KCNMA1: variants seen among roughly 807,000 people sequenced by gnomAD.
KCNMA1 encodes the protein potassium calcium-activated channel subfamily M alpha 1, also known as Calcium-activated potassium channel subunit alpha-1.
KCNMA1 carries 29 observed loss-of-function variants against 140.0 expected under a neutral mutation model. The observed-to-expected ratio is 0.21, with a 90% confidence interval of 0.15 to 0.28. KCNMA1 has a LOEUF of 0.28. Ranked by LOEUF, KCNMA1 falls within the 10% of genes least tolerant of loss-of-function variation. The pLI, the probability that KCNMA1 is intolerant of heterozygous loss-of-function variation, is 1.00. For synonymous variants in KCNMA1, 612 were observed against 611.9 expected (o/e 1.00, Z 0.00); for missense variants, 880 against 1,602.2 (o/e 0.55, Z 7.70).
At chr10:76,901,101 A>G (rs549914186) in intron 25 of KCNMA1, among the ~76,000 whole-genome samples, 2 of 152,122 alleles carry the variant, frequency 1.3e-5, no homozygotes, top group Admixed American at 6.5e-5. Context: ...GGCTCTGCAA[A>G]TCATGACACC....
At chr10:77,618,098 A>T (rs1489604647) in intron 1 of KCNMA1, among the ~76,000 whole-genome samples, 2 of 152,100 alleles carry the variant, frequency 1.3e-5, no homozygotes, top group African/African-American at 4.8e-5. Flanking sequence ...ATCCCCTATC[A>T]TCCGGACAGA....
At chr10:76,899,508 A>G (rs191838769) in intron 25 of KCNMA1, among the ~76,000 whole-genome samples, 19 of 152,242 alleles carry the variant, frequency 1.2e-4, no homozygotes, top group African/African-American at 3.8e-4. Context: ...CTTTTTTAAA[A>G]TAAGGTTTTG....
chr10:77,454,245 T>C (rs1403353507), intron 1 of KCNMA1, among the ~76,000 whole-genome samples: 1 of 152,160 alleles, frequency 6.6e-6, no homozygotes, highest in Non-Finnish European at 1.5e-5. Context: ...CAACCACATC[T>C]ACAGTGTATT....
intron 2 of KCNMA1, among the ~76,000 whole-genome samples, chr10:77,253,287 T>C (rs189251959): frequency 6.8e-4 from 104 of 152,282 alleles, no homozygotes; most frequent in Admixed American, 1.8e-3. Context: ...GCTCCCTGTG[T>C]GTGTATCTGT....
At chr10:77,570,144 G>A (rs1397460479) in intron 1 of KCNMA1, among the ~76,000 whole-genome samples, 2 of 151,762 alleles carry the variant, frequency 1.3e-5, no homozygotes, top group Non-Finnish European at 2.9e-5. Context: ...TGGTGGGACT[G>A]TAAACTAGTT....
chr10:77,150,990 G>T (rs2098406148), intron 5 of KCNMA1, among the ~76,000 whole-genome samples: 1 of 152,132 alleles, frequency 6.6e-6, no homozygotes. Context: ...GTGGCTCTCT[G>T]CCTCTGGAGG....
At chr10:77,220,749 T>A (rs1303974477) in intron 3 of KCNMA1, among the ~76,000 whole-genome samples, 8 of 148,300 alleles carry the variant, frequency 5.4e-5, no homozygotes. Flanking sequence ...CTTAGCCATA[T>A]ATTCCAGTTT....
At chr10:77,364,497 T>C (rs942134690) in intron 2 of KCNMA1, among the ~76,000 whole-genome samples, 13 of 152,026 alleles carry the variant, frequency 8.6e-5, no homozygotes, top group Admixed American at 2.6e-4. Flanking sequence ...AAGAAAACAC[T>C]GTCTTCCAAG....
At chr10:77,037,305 C>T (rs2094399196) in intron 15 of KCNMA1, among the ~76,000 whole-genome samples, 1 of 152,156 alleles carries the variant, frequency 6.6e-6, no homozygotes, top group African/African-American at 2.4e-5. Context: ...TATACTAACC[C>T]CTTTGCTACA....
chr10:77,481,183 A>G (rs1187208280), intron 1 of KCNMA1, among the ~76,000 whole-genome samples: 2 of 151,866 alleles, frequency 1.3e-5, no homozygotes, highest in African/African-American at 4.8e-5. Flanking sequence ...ACATACACAC[A>G]GCGTGTACAT....
chr10:77,056,463 A>G (rs886332389), intron 14 of KCNMA1, among the ~76,000 whole-genome samples: 2 of 152,010 alleles, frequency 1.3e-5, no homozygotes, highest in African/African-American at 4.8e-5. Flanking sequence ...AATTATCAAC[A>G]TTCTTACAAA....
chr10:76,968,078 G>GA (rs2074649428), intron 20 of KCNMA1, among the ~76,000 whole-genome samples: 2 of 151,814 alleles, frequency 1.3e-5, no homozygotes, highest in Admixed American at 6.6e-5. Context: ...TCTGCTTGTG[G>GA]AAAAAAAGTC....
At chr10:77,148,174 T>C (rs1032717162) in intron 5 of KCNMA1, 1 of 152,168 alleles carries the variant, frequency 6.6e-6, no homozygotes, top group African/African-American at 2.4e-5. Context: ...GCATTGCCTG[T>C]CACCTATGGC....
chr10:77,341,863 G>C (rs940956285), intron 2 of KCNMA1, among the ~76,000 whole-genome samples: 2 of 152,212 alleles, frequency 1.3e-5, no homozygotes, highest in African/African-American at 4.8e-5. Flanking sequence ...TTGGAATTTG[G>C]TATAGTCAGG....
intron 23 of KCNMA1, among the ~76,000 whole-genome samples, chr10:76,933,782 C>G (rs2059845653): frequency 6.6e-6 from 1 of 152,202 alleles, no homozygotes; most frequent in Admixed American, 6.5e-5. Flanking sequence ...CAAGGACTAT[C>G]CTGCTTTTCT....
At chr10:77,299,684 C>T (rs796138171) in intron 2 of KCNMA1, among the ~76,000 whole-genome samples, 16 of 152,314 alleles carry the variant, frequency 1.1e-4, no homozygotes, top group African/African-American at 3.8e-4. Context: ...GGGGGAAAGC[C>T]TGCACAAGAA....
At chr10:77,550,434 G>A (rs2062517938) in intron 1 of KCNMA1, among the ~76,000 whole-genome samples, 1 of 151,972 alleles carries the variant, frequency 6.6e-6, no homozygotes, top group South Asian at 2.1e-4. Flanking sequence ...GCTCCCTCTG[G>A]GATTTCACCC....
At chr10:77,445,511 A>C (rs1205114118) in intron 1 of KCNMA1, among the ~76,000 whole-genome samples, 1 of 152,182 alleles carries the variant, frequency 6.6e-6, no homozygotes, top group African/African-American at 2.4e-5. Flanking sequence ...CTTTAATGAA[A>C]GTTTCTAATT....
intron 1 of KCNMA1, among the ~76,000 whole-genome samples, chr10:77,520,130 A>G (rs908404696): frequency 4.8e-3 from 123 of 25,476 alleles, no homozygotes; most frequent in Middle Eastern, 0.026. Context: ...CGGGGTATGC[A>G]GTGTGAGGGT....
Sources: gnomAD v4.1 joint callset for allele counts (sites outside exome capture counted in the v4.1 genomes callset) on GRCh38, gnomAD v4.1.1 for gene constraint, MANE v1.5 for transcripts, NCBI Gene and HGNC (gene_info 2026-07-23, HGNC 2026-07-21) for gene names.